The following SLC24A2 variants were observed in gnomAD, a reference collection of about 807,000 sequenced individuals.
SLC24A2 encodes the protein solute carrier family 24 member 2.
SLC24A2 carries 36 observed loss-of-function variants against 62.0 expected under a neutral mutation model. That is an observed-to-expected ratio of 0.58 (90% CI 0.44 to 0.77). The LOEUF is 0.77. SLC24A2 is among the 30% of genes least tolerant of loss of function. The pLI is 0.00. For synonymous variants in SLC24A2, 358 were observed against 294.0 expected (o/e 1.22, Z -2.23); for missense variants, 846 against 817.9 (o/e 1.03, Z -0.42).
chr9:20,285,454 T>C, the SLC24A2 span, among the ~76,000 whole-genome samples: 2 of 152,154 alleles, frequency 1.3e-5, no homozygotes, highest in Non-Finnish European at 2.9e-5. Context: ...TGTTTCAGTA[T>C]GAGTCTGAAA....
the SLC24A2 span, among the ~76,000 whole-genome samples, chr9:20,286,113 C>T: frequency 7.2e-5 from 11 of 152,180 alleles, no homozygotes; most frequent in African/African-American, 2.7e-4. Flanking sequence ...TATGCCTGCA[C>T]TGAGCTATGC....
At chr9:19,577,627 C>T (rs1475074543) in intron 5 of SLC24A2, among the ~76,000 whole-genome samples, 1 of 152,026 alleles carries the variant, frequency 6.6e-6, no homozygotes, top group African/African-American at 2.4e-5. Flanking sequence ...GCAATTAAGG[C>T]ATTAAGAAGG....
chr9:20,240,976 T>C, the SLC24A2 span, among the ~76,000 whole-genome samples: 1 of 152,202 alleles, frequency 6.6e-6, no homozygotes, highest in Non-Finnish European at 1.5e-5. Flanking sequence ...AGTCTTAACT[T>C]CATAAGAAGA....
chr9:19,872,330 T>G, the SLC24A2 span, among the ~76,000 whole-genome samples: 2 of 152,356 alleles, frequency 1.3e-5, no homozygotes, highest in South Asian at 4.1e-4. Context: ...TTATGGTGAT[T>G]ATGCCTAATT....
the SLC24A2 span, among the ~76,000 whole-genome samples, chr9:20,115,711 A>T: frequency 6.6e-6 from 1 of 152,170 alleles, no homozygotes; most frequent in Non-Finnish European, 1.5e-5. Flanking sequence ...ACTCACTGAC[A>T]CACTGTGTCC....
intron 9 of SLC24A2, among the ~76,000 whole-genome samples, chr9:19,525,793 C>T (rs948758171): frequency 1.4e-5 from 2 of 144,818 alleles, no homozygotes; most frequent in Non-Finnish European, 3.0e-5. Flanking sequence ...TTTTTTATAG[C>T]CAACCTAGTG....
At chr9:20,256,288 G>C in the SLC24A2 span, among the ~76,000 whole-genome samples, 17 of 152,142 alleles carry the variant, frequency 1.1e-4, no homozygotes, top group Non-Finnish European at 2.9e-5. Context: ...AAGACTAATG[G>C]CTTGAAAATA....
At chr9:19,772,289 C>G (rs368299224) in intron 2 of SLC24A2, among the ~76,000 whole-genome samples, 1 of 152,214 alleles carries the variant, frequency 6.6e-6, no homozygotes, top group South Asian at 2.1e-4. Flanking sequence ...TTTCCAAGGA[C>G]GAGCTCAAAG....
At chr9:19,987,856 G>A in the SLC24A2 span, among the ~76,000 whole-genome samples, 10 of 152,086 alleles carry the variant, frequency 6.6e-5, no homozygotes, top group Admixed American at 2.6e-4. Flanking sequence ...CATTTCCTTC[G>A]CTGTAGGAGC....
chr9:20,298,091 G>A, the SLC24A2 span, among the ~76,000 whole-genome samples: 2 of 152,196 alleles, frequency 1.3e-5, no homozygotes, highest in African/African-American at 4.8e-5. Flanking sequence ...GACAGCCACA[G>A]AACTAGGTGA....
the SLC24A2 span, among the ~76,000 whole-genome samples, chr9:20,275,712 T>C: frequency 6.6e-6 from 1 of 152,220 alleles, no homozygotes; most frequent in African/African-American, 2.4e-5. Flanking sequence ...CATATGGCTA[T>C]GAAGAAATGC....
intron 7 of SLC24A2, among the ~76,000 whole-genome samples, chr9:19,563,069 G>A (rs1014118189): frequency 1.3e-5 from 2 of 152,162 alleles, no homozygotes; most frequent in African/African-American, 2.4e-5. Context: ...CTGCACCACT[G>A]TACTCCAGCC....
At chr9:20,106,196 G>A in the SLC24A2 span, among the ~76,000 whole-genome samples, 1 of 152,170 alleles carries the variant, frequency 6.6e-6, no homozygotes, top group African/African-American at 2.4e-5. Context: ...TGAAATTGTG[G>A]CAATAATCAA....
chr9:19,635,673 A>G (rs1818293246), intron 2 of SLC24A2, among the ~76,000 whole-genome samples: 1 of 152,272 alleles, frequency 6.6e-6, no homozygotes, highest in South Asian at 2.1e-4. Context: ...TTCTTACAAT[A>G]AAAAATTTCA....
the SLC24A2 span, among the ~76,000 whole-genome samples, chr9:20,200,819 T>G: frequency 1.3e-5 from 2 of 152,210 alleles, no homozygotes; most frequent in African/African-American, 4.8e-5. Flanking sequence ...GATTGGATTT[T>G]TGGAAGCAAC....
the SLC24A2 span, among the ~76,000 whole-genome samples, chr9:20,155,947 G>A: frequency 5.9e-5 from 9 of 151,672 alleles, no homozygotes; most frequent in African/African-American, 9.7e-5. Flanking sequence ...AAAATAAGGA[G>A]AGTAATTTAA....
At chr9:19,899,709 T>C in the SLC24A2 span, among the ~76,000 whole-genome samples, 25 of 152,218 alleles carry the variant, frequency 1.6e-4, no homozygotes, top group Admixed American at 1.5e-3. Context: ...CAGTTCAGCA[T>C]GGCTGGGGAG....
the SLC24A2 span, among the ~76,000 whole-genome samples, chr9:20,012,694 T>G: frequency 1.3e-5 from 2 of 152,180 alleles, no homozygotes; most frequent in African/African-American, 4.8e-5. Context: ...TTCAGTAAAG[T>G]TGTAGGATAC....
chr9:19,525,898 A>C (rs759464195), intron 9 of SLC24A2, among the ~76,000 whole-genome samples: 2 of 151,634 alleles, frequency 1.3e-5, no homozygotes, highest in Non-Finnish European at 2.9e-5. Context: ...GTATAATTCA[A>C]TGGTTTTTAA....
Sources: gnomAD v4.1 joint callset for allele counts (sites outside exome capture counted in the v4.1 genomes callset) on GRCh38, gnomAD v4.1.1 for gene constraint, MANE v1.5 for transcripts, NCBI Gene and HGNC (gene_info 2026-07-23, HGNC 2026-07-21) for gene names.